The following PTPRG variants were observed in gnomAD, a reference collection of about 807,000 sequenced individuals.
PTPRG encodes protein tyrosine phosphatase receptor type G.
In PTPRG, 102 loss-of-function variants were observed where a neutral mutation model predicts 165.3. The ratio of observed to expected loss-of-function variants is 0.62; its 90% CI spans 0.53 to 0.73. The LOEUF (loss-of-function observed/expected upper bound fraction) is 0.73, where lower values mean the gene tolerates loss of function less well. Among genes scored for constraint, PTPRG ranks in the 30% least tolerant of loss-of-function variants. The pLI is 0.00. For synonymous variants in PTPRG, 675 were observed against 669.5 expected (o/e 1.01, Z -0.13); for missense variants, 1,866 against 1,861.4 (o/e 1.00, Z -0.05).
chr3:61,665,503 C>G (rs998585761), intron 1 of PTPRG, among the ~76,000 whole-genome samples: 1 of 151,298 alleles, frequency 6.6e-6, no homozygotes, highest in Non-Finnish European at 1.5e-5. Context: ...CACACACACA[C>G]AGGCACAAAT....
chr3:62,137,426 G>A (rs1469526380), intron 6 of PTPRG, among the ~76,000 whole-genome samples: 2 of 152,122 alleles, frequency 1.3e-5, no homozygotes, highest in Non-Finnish European at 2.9e-5. Context: ...GGCAGATGAG[G>A]CAAAACTCTG....
At chr3:62,189,366 C>G (rs34971634) in intron 8 of PTPRG, among the ~76,000 whole-genome samples, 9,438 of 152,152 alleles carry the variant, frequency 0.062, 310 homozygotes, top group African/African-American at 0.087. Flanking sequence ...CCATCCTGTC[C>G]CCAGAGCTGC....
chr3:62,203,497 T>G lies in PTPRG; in HGVS notation c.1702T>G (p.Ser568Ala). 1 of 1,566,428 alleles carries G rather than the reference T, an allele frequency of 6.4e-7. No individual in the cohort carries two copies. Among genetic ancestry groups the G allele is most frequent in the Non-Finnish European group, 8.7e-7 (1 of 1,154,828 alleles). The change falls in exon 12 of 30, where the codon TCG (serine) becomes GCG (alanine). Residue 568 changes from serine to alanine, a missense_variant. This residue lies in a region of PTPRG where 1,452 missense variants were observed against 1,463.0 expected (regional missense o/e 0.99). Transcript: ENST00000474889. The surrounding 1 kb of genome is among the most constrained non-coding windows in gnomAD (Gnocchi z 6.4). ...ALASPGPDGD[S>A]SPTKDGEGTE... ...GGCTTCTCCAGGGCCCGATGGTGAT[T>G]CGTCACCAACCAAGGACGGCGAGGG...
intron 1 of PTPRG, among the ~76,000 whole-genome samples, chr3:61,712,591 C>A (rs1328984584): frequency 6.6e-6 from 1 of 152,172 alleles, no homozygotes; most frequent in African/African-American, 2.4e-5. Context: ...TGTGCTCTCT[C>A]TTCTCCTGCT....
At chr3:61,761,102 T>C (rs1366717641) in intron 2 of PTPRG, among the ~76,000 whole-genome samples, 1 of 152,232 alleles carries the variant, frequency 6.6e-6, no homozygotes, top group Non-Finnish European at 1.5e-5. Flanking sequence ...TTATATTCCT[T>C]TGGGTGTATA....
At chr3:61,816,543 A>C (rs1051701794) in intron 2 of PTPRG, among the ~76,000 whole-genome samples, 17 of 152,088 alleles carry the variant, frequency 1.1e-4, no homozygotes, top group East Asian at 1.9e-4. Context: ...AAAACAAACA[A>C]ACACCAGGAA....
intron 6 of PTPRG, among the ~76,000 whole-genome samples, chr3:62,136,486 A>G (rs186925403): frequency 2.2e-4 from 33 of 152,280 alleles, no homozygotes; most frequent in African/African-American, 7.5e-4. Flanking sequence ...TGGAGAATGG[A>G]TGACCAGCTC....
intron 2 of PTPRG, among the ~76,000 whole-genome samples, chr3:61,957,819 C>T (rs992280513): frequency 6.6e-6 from 1 of 152,106 alleles, no homozygotes; most frequent in East Asian, 1.9e-4. Context: ...ATTGAATCAC[C>T]CCACTTGAAA....
At chr3:61,569,217 G>C (rs574469466) in intron 1 of PTPRG, among the ~76,000 whole-genome samples, 1 of 152,302 alleles carries the variant, frequency 6.6e-6, no homozygotes, top group South Asian at 2.1e-4. Context: ...GGTGGCTATT[G>C]AGAGTTATAC....
rs536651283 is a variant in PTPRG, at chr3:61,993,311, G to A, written c.370+3507G>A. Among the ~76,000 whole-genome samples the A allele has an allele frequency of 1.3e-3, 203 of 151,852 alleles. 1 individual carries two copies. Among genetic ancestry groups the A allele is most frequent in the South Asian group, 2.1e-3 (10 of 4,780 alleles). On this transcript the variant is annotated intron_variant, in intron 3 of 29. Coordinates refer to ENST00000474889, the MANE Select transcript of PTPRG (RefSeq NM_002841.4). ...CAGCTCACCGCAACCTCCGCCTCCC[G>A]GGTTTAAGCAATTCTCCTGCCTCAG...
intron 1 of PTPRG, among the ~76,000 whole-genome samples, chr3:61,583,760 A>G (rs1357846450): frequency 6.6e-6 from 1 of 151,946 alleles, no homozygotes; most frequent in Non-Finnish European, 1.5e-5. Flanking sequence ...ATCTTTCTCA[A>G]TTCCTGCTCC....
At chr3:62,288,978 C>T (rs1702774218) in intron 28 of PTPRG, among the ~76,000 whole-genome samples, 1 of 152,094 alleles carries the variant, frequency 6.6e-6, no homozygotes, top group Non-Finnish European at 1.5e-5. Context: ...GCATTTAAGA[C>T]TTTATAACTC....
intron 2 of PTPRG, among the ~76,000 whole-genome samples, chr3:61,786,363 G>A (rs1291779383): frequency 6.6e-6 from 1 of 152,198 alleles, no homozygotes. Context: ...GGAAGCACAT[G>A]ATACGAATAA....
At chr3:61,888,743 G>T (rs1413118694) in intron 2 of PTPRG, among the ~76,000 whole-genome samples, 1 of 152,120 alleles carries the variant, frequency 6.6e-6, no homozygotes, top group Non-Finnish European at 1.5e-5. Context: ...CTCAGCCTTT[G>T]TCTCTTTGTT....
chr3:61,908,680 T>A (rs1376432235), intron 2 of PTPRG, among the ~76,000 whole-genome samples: 2 of 152,204 alleles, frequency 1.3e-5, no homozygotes, highest in Admixed American at 1.3e-4. Flanking sequence ...ATGAATTAAT[T>A]TGATTTTATG....
intron 15 of PTPRG, among the ~76,000 whole-genome samples, chr3:62,247,771 T>C (rs1413881844): frequency 6.6e-6 from 1 of 152,192 alleles, no homozygotes; most frequent in African/African-American, 2.4e-5. Context: ...ATAAATAGCT[T>C]GTATCTTTAA....
intron 1 of PTPRG, among the ~76,000 whole-genome samples, chr3:61,714,595 G>A (rs147778866): frequency 2.6e-5 from 4 of 152,330 alleles, no homozygotes; most frequent in African/African-American, 4.8e-5. Context: ...TAGGGGCTGA[G>A]ATTCAATCCA....
chr3:61,585,293 A>G lies in PTPRG; in HGVS notation c.85+22921A>G, dbSNP rs1167859287. Among the ~76,000 whole-genome samples, 14 of 149,062 alleles carry G rather than the reference A, an allele frequency of 9.4e-5. 1 individual carries two copies. The highest frequency in any genetic ancestry group is 8.6e-4 in the Admixed American group (13 of 15,106). ...GAGACCCTGTCTCAAAAAAAAAAAA[A>G]AAAAAGAAAAAGGAAGAAAAGAAAA... On this transcript the variant is annotated intron_variant, in intron 1 of 29. Coordinates refer to ENST00000474889, the MANE Select transcript of PTPRG (RefSeq NM_002841.4).
intron 19 of PTPRG, among the ~76,000 whole-genome samples, chr3:62,268,441 C>T (rs935973751): frequency 1.3e-5 from 2 of 151,994 alleles, no homozygotes; most frequent in African/African-American, 4.8e-5. Flanking sequence ...GCACATGATT[C>T]CCTATGTAAC....
Sources: allele counts gnomAD v4.1 joint callset (sites outside exome capture counted in the v4.1 genomes callset), GRCh38; gene constraint gnomAD v4.1.1; regional missense constraint gnomAD v4.1.1; non-coding constraint Gnocchi (gnomAD v3.1); transcripts MANE v1.5; gene names NCBI Gene and HGNC (gene_info 2026-07-23, HGNC 2026-07-21).